Variants in DPP10 observed in about 807,000 individuals in gnomAD.
DPP10 encodes the protein dipeptidyl peptidase like 10, also known as inactive dipeptidyl peptidase 10.
DPP10 carries 33 observed loss-of-function variants against 120.9 expected under a neutral mutation model. The observed-to-expected ratio is 0.27, with a 90% CI of 0.21 to 0.37. The LOEUF is 0.37. DPP10 is among the 10% of genes least tolerant of loss of function. DPP10 has a pLI of 1.00. For missense variants in DPP10, 816 were observed against 942.8 expected (o/e 0.87, Z 1.76); for synonymous variants, 337 against 326.1 (o/e 1.03, Z -0.36).
intron 3 of DPP10, among the ~76,000 whole-genome samples, chr2:115,388,790 T>G (rs1415969381): frequency 6.6e-6 from 1 of 152,166 alleles, no homozygotes; most frequent in African/African-American, 2.4e-5. Context: ...TTAATGAGAT[T>G]TTAGTTTACA....
chr2:115,258,246 G>A (rs1049015360), intron 1 of DPP10, among the ~76,000 whole-genome samples: 2 of 152,194 alleles, frequency 1.3e-5, no homozygotes, highest in African/African-American at 4.8e-5. Context: ...AAGCAGGTCA[G>A]CAGTGAAGAT....
chr2:115,513,377 A>G (rs1209374582), intron 4 of DPP10, among the ~76,000 whole-genome samples: 1 of 151,962 alleles, frequency 6.6e-6, no homozygotes, highest in Non-Finnish European at 1.5e-5. Context: ...TAATGCAATT[A>G]TTAATAAGGT....
chr2:114,905,689 T>A (rs2106634941), intron 1 of DPP10, among the ~76,000 whole-genome samples: 1 of 152,234 alleles, frequency 6.6e-6, no homozygotes, highest in South Asian at 2.1e-4. Flanking sequence ...ACTGGGTAGG[T>A]ACCCAAAGGA....
intron 1 of DPP10, among the ~76,000 whole-genome samples, chr2:114,576,830 T>A (rs72951894): frequency 0.014 from 2,140 of 152,140 alleles, 47 homozygotes; most frequent in African/African-American, 0.049. Flanking sequence ...CTCTGGGTCA[T>A]CCTGTGTAGA....
intron 1 of DPP10, among the ~76,000 whole-genome samples, chr2:115,167,998 G>A (rs1030238812): frequency 6.6e-6 from 1 of 152,132 alleles, no homozygotes; most frequent in Non-Finnish European, 1.5e-5. Flanking sequence ...ATATTTAAAG[G>A]AAAGACAGAT....
rs564301718 is a variant in DPP10 at position 115,632,303 on chromosome 2, C to T, written c.442-57384C>T. 3.9e-5 allele frequency among the ~76,000 whole-genome samples: 6 copies of T among 152,060 alleles called. No individual in the cohort carries two copies. In the South Asian group the frequency reaches 6.2e-4, roughly 16 times the overall value. On this transcript the variant is annotated intron_variant, in intron 5 of 25. Coordinates refer to ENST00000410059, the MANE Select transcript of DPP10 (RefSeq NM_020868.6). ...CATCCCTTTCTTTTGTGTCTTTGTA[C>T]GTGAGATGGGTTTCTTGAATGCAGC...
At chr2:114,448,956 G>A (rs1396002872) in intron 1 of DPP10, among the ~76,000 whole-genome samples, 1 of 152,172 alleles carries the variant, frequency 6.6e-6, no homozygotes, top group Non-Finnish European at 1.5e-5. Context: ...TACTCAACAT[G>A]TAAGCAGGTT....
intron 1 of DPP10, among the ~76,000 whole-genome samples, chr2:114,900,824 T>A (rs966403114): frequency 1.3e-5 from 2 of 152,210 alleles, no homozygotes; most frequent in African/African-American, 4.8e-5. Flanking sequence ...CTTTAAACTT[T>A]GCAGCTAAAT....
At chr2:115,566,643 T>A (rs1423579721) in intron 5 of DPP10, among the ~76,000 whole-genome samples, 1 of 152,172 alleles carries the variant, frequency 6.6e-6, no homozygotes, top group African/African-American at 2.4e-5. Context: ...TTTTCCAGGC[T>A]CATTTTGAAC....
At chr2:115,148,940 A>G (rs1207525760) in intron 1 of DPP10, among the ~76,000 whole-genome samples, 5 of 152,006 alleles carry the variant, frequency 3.3e-5, no homozygotes, top group Non-Finnish European at 7.4e-5. Context: ...AATGTCATCA[A>G]TTTTCAAATT....
chr2:115,590,814 TC>T (rs2082613276), intron 5 of DPP10, among the ~76,000 whole-genome samples: 1 of 152,154 alleles, frequency 6.6e-6, no homozygotes, highest in Non-Finnish European at 1.5e-5. Flanking sequence ...TTTCTCCACA[TC>T]CTCTCCAGCA....
In DPP10 at chr2:114,830,252, C is replaced by A. The variant is rs1298783016; in HGVS notation, c.60+387414C>A. ...TCTCAAAATGGGGCCATCGAGTACC[C>A]CCCTTACACTATCTCCCATTCGTTT... is the stretch of plus-strand genomic sequence containing the variant. On this transcript the variant is annotated intron_variant, in intron 1 of 25. Coordinates refer to ENST00000410059, the MANE Select transcript of DPP10 (RefSeq NM_020868.6). Among the ~76,000 whole-genome samples the A allele has an allele frequency of 2.0e-5, 3 of 152,024 alleles. No individual in the cohort carries two copies. The South Asian group carries it at 6.2e-4, about 32-fold the overall frequency.
chr2:115,084,650 G>T (rs1708548724), intron 1 of DPP10, among the ~76,000 whole-genome samples: 1 of 152,176 alleles, frequency 6.6e-6, no homozygotes, highest in Non-Finnish European at 1.5e-5. Context: ...GTCAGGAAGA[G>T]AAACTGCTGA....
intron 5 of DPP10, among the ~76,000 whole-genome samples, chr2:115,588,380 C>T (rs1263484108): frequency 6.6e-6 from 1 of 152,148 alleles, no homozygotes; most frequent in East Asian, 1.9e-4. Flanking sequence ...ATCATTCAGT[C>T]TATTCATTAA....
At chr2:114,902,687 T>A (rs1000077541) in intron 1 of DPP10, among the ~76,000 whole-genome samples, 2 of 152,210 alleles carry the variant, frequency 1.3e-5, no homozygotes, top group African/African-American at 2.4e-5. Flanking sequence ...ATTAAGAAAG[T>A]ACAGAGACTT....
chr2:115,735,006 A>G (rs2093002289), intron 8 of DPP10, among the ~76,000 whole-genome samples: 1 of 152,202 alleles, frequency 6.6e-6, no homozygotes, highest in Non-Finnish European at 1.5e-5. Flanking sequence ...AGAGAATGCT[A>G]TACAATTTTT....
At chr2:114,794,068 G>A (rs1257565651) in intron 1 of DPP10, among the ~76,000 whole-genome samples, 1 of 151,690 alleles carries the variant, frequency 6.6e-6, no homozygotes, top group Admixed American at 6.6e-5. Flanking sequence ...CTTTGAGCAT[G>A]ACTTTTTTTT....
At chr2:115,119,964 A>G (rs1398211997) in intron 1 of DPP10, among the ~76,000 whole-genome samples, 1 of 152,194 alleles carries the variant, frequency 6.6e-6, no homozygotes, top group Non-Finnish European at 1.5e-5. Flanking sequence ...AGTTCAATTT[A>G]AAAGTTGTCT....
intron 4 of DPP10, among the ~76,000 whole-genome samples, chr2:115,512,468 C>T (rs2077285414): frequency 6.6e-6 from 1 of 151,924 alleles, no homozygotes; most frequent in East Asian, 1.9e-4. Flanking sequence ...CTTTTCTTTT[C>T]TTCTTTCTTT....
Sources: allele counts gnomAD v4.1 joint callset (sites outside exome capture counted in the v4.1 genomes callset), GRCh38; gene constraint gnomAD v4.1.1; transcripts MANE v1.5; gene names NCBI Gene and HGNC (gene_info 2026-07-23, HGNC 2026-07-21).